The following CBLIF variants were observed in gnomAD, a reference collection of about 807,000 sequenced individuals.
The protein encoded by CBLIF is gastric intrinsic factor (vitamin B synthesis).
In CBLIF, 24 loss-of-function variants were observed where a neutral mutation model predicts 44.9. That is an observed-to-expected ratio of 0.53 (90% confidence interval 0.39 to 0.75). The LOEUF (loss-of-function observed/expected upper bound fraction) is 0.75. Among genes scored for constraint, CBLIF ranks in the 30% least tolerant of loss-of-function variants. The pLI, the probability that CBLIF is intolerant of heterozygous loss-of-function variation, is 0.00. For missense variants in CBLIF, 481 were observed against 513.0 expected, an observed-to-expected ratio of 0.94 and a Z score of 0.60; for synonymous variants, 183 against 190.9, an observed-to-expected ratio of 0.96 and a Z score of 0.34.
chr11:59,842,279 C>T (rs1866542039), intron 4 of CBLIF, among the ~76,000 whole-genome samples, 164 bp downstream of exon 4: 1 of 152,216 alleles, frequency 6.6e-6, no homozygotes, highest in Non-Finnish European at 1.5e-5. Flanking sequence ...CCTCAATTCA[C>T]CTGCCCAACA....
Position 59,831,766 on chromosome 11 carries a change from A to G in CBLIF, c.1104T>C (p.Leu368=). The G allele has an allele frequency of 1.9e-6, 3 of 1,602,946 alleles. No homozygotes were observed. The highest frequency in any genetic ancestry group is 3.3e-5 in the Admixed American group (2 of 60,014). Residue 368 remains leucine, a synonymous_variant, in exon 8 of 9, where the codon CTT becomes CTC. Transcript: ENST00000257248. ...KFETTMTSWG[L]VVSSINNIAE... ...CGATATTGTTGATAGAAGAGACGAC[A>G]AGGCCCCAAGATGTCATTGTGGTTT...
chr11:59,831,424 T>G (rs1866372218), intron 8 of CBLIF: 1 of 177,956 alleles, frequency 5.6e-6, no homozygotes, highest in Admixed American at 6.2e-5. Context: ...ACTTTCCTTC[T>G]CTGTGAAAAG....
In CBLIF at chr11:59,836,113, A is replaced by G. The variant is rs1866453717; in HGVS notation, c.872-104T>C. On this transcript the variant is annotated intron_variant, in intron 6 of 8. Transcript: ENST00000257248. ...CTTACCCCAGAAGACATTTTGAGAA[A>G]GTAGTGAGTTTCATACCATTTAACA... 1.3e-5 allele frequency: 12 copies of G among 901,368 alleles called. No individual in the cohort carries two copies. The Admixed American group carries it at 1.9e-4, about 14-fold the overall frequency. 55.8% of individuals were successfully genotyped at this position (901,368 alleles called of 1,614,324 possible). A position where few individuals can be genotyped will look rare whatever the true frequency, so the allele number is the denominator to read the frequency against.
intron 7 of CBLIF, among the ~76,000 whole-genome samples, chr11:59,833,465 C>T (rs1197098057): frequency 2.0e-5 from 3 of 150,934 alleles, no homozygotes; most frequent in African/African-American, 4.9e-5. Flanking sequence ...TGCAGTGAGC[C>T]GAGATCGCGC....
chr11:59,842,538 A>G lies in CBLIF; in HGVS notation c.416T>C (p.Ile139Thr). Residue 139 changes from isoleucine to threonine, a missense_variant, in exon 4 of 9, where the codon ATC (isoleucine) becomes ACC (threonine). By Grantham distance (89) the Ile-to-Thr change is moderately conservative. Transcript: ENST00000257248. ...ASAFYGPSLA[I>T]LALCQKNSEA... is the part of the protein sequence containing the mutation. ...AGAGTTCTTCTGGCACAGTGCCAAG[A>G]TCGCTAGACTGGGCCCATAGAAGGC... The G allele has an allele frequency of 6.2e-7, 1 of 1,613,928 alleles. No homozygotes were observed.
intron 5 of CBLIF, among the ~76,000 whole-genome samples, chr11:59,840,019 T>C (rs1866503863): frequency 6.6e-6 from 1 of 152,188 alleles, no homozygotes; most frequent in Non-Finnish European, 1.5e-5. Flanking sequence ...AAACAGGGTT[T>C]TGTTCTATGA....
At chr11:59,834,240 TTTTCTTTCTTTCTTTCTTTCTTTC>T (rs57364350) in intron 7 of CBLIF, among the ~76,000 whole-genome samples, 2 of 115,242 alleles carry the variant, frequency 1.7e-5, no homozygotes, top group African/African-American at 3.5e-5. Context: ...CTTTCTTTCT[TTTTCTTTCTTTCTTTCTTTCTTTC>T]TTTCTTTCTT....
At chr11:59,842,292 C>T (rs1866542221) in intron 4 of CBLIF, 151 bp downstream of exon 4, 1 of 834,492 alleles carries the variant, frequency 1.2e-6, no homozygotes, top group Admixed American at 1.9e-5. Context: ...GCCCAACAAA[C>T]ATCTGGTAAA....
chr11:59,831,226 C>T (rs1394007299), intron 8 of CBLIF, among the ~76,000 whole-genome samples: 2 of 152,180 alleles, frequency 1.3e-5, no homozygotes, highest in African/African-American at 4.8e-5. Flanking sequence ...GAAACATGCA[C>T]CAACATCCAT....
At chr11:59,836,820 A>G (rs868475449) in intron 6 of CBLIF, among the ~76,000 whole-genome samples, 2 of 152,216 alleles carry the variant, frequency 1.3e-5, no homozygotes. Context: ...GGCAGATATG[A>G]TAAGATATGC....
chr11:59,830,393 C>CAAT (rs945400776), intron 8 of CBLIF, among the ~76,000 whole-genome samples: 1 of 151,924 alleles, frequency 6.6e-6, no homozygotes, highest in African/African-American at 2.4e-5. Flanking sequence ...CCCGCCACCA[C>CAAT]GCCTGACTAA....
chr11:59,832,181 G>A (rs1429809764), intron 7 of CBLIF, among the ~76,000 whole-genome samples: 1 of 152,146 alleles, frequency 6.6e-6, no homozygotes, highest in Non-Finnish European at 1.5e-5. Flanking sequence ...GTGCTGCAAT[G>A]GACATGGATG....
At position 59,843,859 on chromosome 11, in the gene CBLIF, G is replaced by T. The variant is rs1460973661; in HGVS notation, c.256+20C>A. Reference sequence around the variant, plus strand: ...GATGTGTGAGATTCAGGGAGAGTGCGAGCGGCTCAGATGTCTCACCGTTGT... The same window carrying T: ...GATGTGTGAGATTCAGGGAGAGTGCTAGCGGCTCAGATGTCTCACCGTTGT... On this transcript the variant is annotated intron_variant, in intron 2 of 8. Coordinates refer to ENST00000257248, the MANE Select transcript of CBLIF (RefSeq NM_005142.3). The T allele has an allele frequency of 1.9e-6, 3 of 1,591,874 alleles. No homozygotes were observed. Among genetic ancestry groups the T allele is most frequent in the South Asian group, 2.2e-5 (2 of 90,554 alleles).
intron 8 of CBLIF, 28 bp downstream of exon 8, chr11:59,831,650 A>G (rs1866375221): frequency 2.1e-6 from 2 of 934,628 alleles, no homozygotes. Context: ...ACTATGGAAG[A>G]TAACGCCTAT....
At chr11:59,838,805 T>C (rs1460536849) in intron 5 of CBLIF, among the ~76,000 whole-genome samples, 1 of 152,076 alleles carries the variant, frequency 6.6e-6, no homozygotes, top group African/African-American at 2.4e-5. Context: ...TTAATAACTT[T>C]CCATCAAGAA....
intron 6 of CBLIF, 30 bp downstream of exon 6, chr11:59,837,144 T>G (rs1866466203): frequency 1.3e-6 from 2 of 1,563,448 alleles, no homozygotes; most frequent in Non-Finnish European, 1.8e-6. Context: ...AGTTGCTGCT[T>G]TATGACATAA....
chr11:59,836,258 T>C (rs1348857274), intron 6 of CBLIF, among the ~76,000 whole-genome samples: 1 of 152,156 alleles, frequency 6.6e-6, no homozygotes, highest in African/African-American at 2.4e-5. Flanking sequence ...TTTGGTAGGA[T>C]TGGGATCAGT....
At position 59,843,978 on chromosome 11, in the gene CBLIF, G is replaced by A. The variant is rs769192195; in HGVS notation, c.157C>T (p.Pro53Ser). 5 of 1,613,164 alleles carry A rather than the reference G, an allele frequency of 3.1e-6. No individual in the cohort carries two copies. The South Asian group carries it at 5.5e-5, about 18-fold the overall frequency. ...ATGGCAATCAGGATGCTGGGGTTTGGGTAGGCTGATGAAGTCACCGAGTTC... is the reference window on the plus strand; with the variant it reads ...ATGGCAATCAGGATGCTGGGGTTTGAGTAGGCTGATGAAGTCACCGAGTTC... ...MENSVTSSAY[P>S]NPSILIAMNL... Residue 53 changes from proline to serine, a missense_variant, in exon 2 of 9, where the codon CCA (proline) becomes TCA (serine). Coordinates refer to ENST00000257248, the MANE Select transcript of CBLIF (RefSeq NM_005142.3).
intron 1 of CBLIF, among the ~76,000 whole-genome samples, chr11:59,844,292 C>G (rs886311266): frequency 1.3e-5 from 2 of 152,084 alleles, no homozygotes; most frequent in African/African-American, 4.8e-5. Flanking sequence ...TGTGCACCAC[C>G]ACGCCAGGCT....
Sources: allele counts gnomAD v4.1 joint callset (sites outside exome capture counted in the v4.1 genomes callset), GRCh38; gene constraint gnomAD v4.1.1; transcripts MANE v1.5; gene names NCBI Gene and HGNC (gene_info 2026-07-23, HGNC 2026-07-21).